XYLB: variants seen among roughly 807,000 people sequenced by gnomAD.
XYLB encodes xylulose kinase.
In XYLB, 62 loss-of-function variants were observed where a neutral mutation model predicts 78.7. The ratio of observed to expected loss-of-function variants is 0.79; its 90% CI spans 0.64 to 0.97. XYLB has a LOEUF of 0.97. XYLB is among the 50% of genes least tolerant of loss of function. The pLI is 0.00. For missense variants in XYLB, 687 were observed against 676.8 expected, an observed-to-expected ratio of 1.02 and a Z score of -0.17; for synonymous variants, 245 against 247.4, an observed-to-expected ratio of 0.99 and a Z score of 0.09.
chr3:38,421,920 G>T (rs1055972174), downstream of XYLB, among the ~76,000 whole-genome samples: 1 of 152,168 alleles, frequency 6.6e-6, no homozygotes, highest in Non-Finnish European at 1.5e-5. Flanking sequence ...TCGAGCAACC[G>T]CTGTCAGTTC....
At chr3:38,422,925 A>G (rs947546463), downstream of XYLB, among the ~76,000 whole-genome samples, 1 of 152,180 alleles carries the variant, frequency 6.6e-6, no homozygotes, top group Non-Finnish European at 1.5e-5. Context: ...TACCTTTAAA[A>G]TGGTTAACAA....
chr3:38,443,456 C>G, the XYLB span, among the ~76,000 whole-genome samples: 2 of 152,164 alleles, frequency 1.3e-5, no homozygotes, highest in Admixed American at 6.6e-5. Flanking sequence ...CCTTGCAAAC[C>G]ACACTGATAA....
At chr3:38,381,688 A>G (rs950043066) in intron 15 of XYLB, among the ~76,000 whole-genome samples, 2 of 152,188 alleles carry the variant, frequency 1.3e-5, no homozygotes, top group African/African-American at 2.4e-5. Context: ...CAGAGATGAA[A>G]TAAACTCCAG....
At chr3:38,368,772 C>T (rs1046838928) in intron 8 of XYLB, among the ~76,000 whole-genome samples, 1 of 152,114 alleles carries the variant, frequency 6.6e-6, no homozygotes, top group African/African-American at 2.4e-5. Context: ...TCTTACTGGT[C>T]ACACACTAGG....
At chr3:38,359,838 A>G (rs1705872205) in intron 2 of XYLB, among the ~76,000 whole-genome samples, 1 of 152,154 alleles carries the variant, frequency 6.6e-6, no homozygotes, top group African/African-American at 2.4e-5. Flanking sequence ...ACATAGTTAA[A>G]AGGGTTGGAT....
At chr3:38,364,339 G>T (rs1481683059) in intron 4 of XYLB, among the ~76,000 whole-genome samples, 1 of 151,594 alleles carries the variant, frequency 6.6e-6, no homozygotes, top group Non-Finnish European at 1.5e-5. Flanking sequence ...GGTCTCTACC[G>T]CAGCCTCCTT....
At chr3:38,378,905 T>C (rs55707921) in intron 14 of XYLB, among the ~76,000 whole-genome samples, 29,790 of 150,664 alleles carry the variant, frequency 0.2, 3,033 homozygotes, top group East Asian at 0.29. Flanking sequence ...CTATTACCTC[T>C]GTTTTGTTAA....
At chr3:38,431,461 G>T in the XYLB span, among the ~76,000 whole-genome samples, 3 of 152,162 alleles carry the variant, frequency 2.0e-5, no homozygotes, top group Admixed American at 1.3e-4. Context: ...CTGAGACGAT[G>T]GGGTTTTCTA....
chr3:38,417,281 G>A (rs1180973834), downstream of XYLB, among the ~76,000 whole-genome samples: 1 of 151,678 alleles, frequency 6.6e-6, no homozygotes, highest in African/African-American at 2.4e-5. Flanking sequence ...ACAAAAATTA[G>A]CCAGGCATGG....
chr3:38,376,569 A>G (rs74346227), intron 13 of XYLB, among the ~76,000 whole-genome samples: 3,990 of 152,258 alleles, frequency 0.026, 174 homozygotes, highest in African/African-American at 0.09. Flanking sequence ...CCCCAGGCAC[A>G]AGGAAAAGTC....
intron 15 of XYLB, among the ~76,000 whole-genome samples, chr3:38,388,253 A>C (rs1345286314): frequency 6.8e-6 from 1 of 146,694 alleles, no homozygotes; most frequent in Non-Finnish European, 1.5e-5. Flanking sequence ...GGTTGCGGAG[A>C]TGTCGGTCAG....
At chr3:38,395,657 C>A in intron 16 of XYLB, 94 bp downstream of exon 16, 1 of 1,337,316 alleles carries the variant, frequency 7.5e-7, no homozygotes, top group Non-Finnish European at 1.1e-6. Flanking sequence ...CCTCCATTCC[C>A]ACTCCTGCAG....
In XYLB at chr3:38,414,522, A is replaced by T. The variant is rs146742939; in HGVS notation, c.*1509A>T. 5.0e-4 allele frequency: 76 copies of T among 152,362 alleles called. 1 individual carries two copies. Among genetic ancestry groups the T allele is most frequent in the Admixed American group, 1.8e-3 (28 of 15,306 alleles). 9.4% of individuals were successfully genotyped at this position (152,362 alleles called of 1,614,324 possible). The stretch of plus-strand genomic sequence containing the variant: ...TTGGACCATGAAACAGTAAACTGTA[A>T]CTAAACACTTCAACATGAATTTGAA... On this transcript the variant is annotated 3_prime_UTR_variant, in exon 19 of 19. Coordinates refer to ENST00000207870, the MANE Select transcript of XYLB (RefSeq NM_005108.4).
At chr3:38,437,719 G>C in the XYLB span, among the ~76,000 whole-genome samples, 392 of 152,220 alleles carry the variant, frequency 2.6e-3, no homozygotes, top group Non-Finnish European at 4.8e-3. Context: ...TTTGGCAGTA[G>C]GATCACTTAA....
intron 10 of XYLB, among the ~76,000 whole-genome samples, chr3:38,373,270 G>C (rs1231306218): frequency 1.3e-5 from 2 of 152,066 alleles, no homozygotes; most frequent in Non-Finnish European, 2.9e-5. Context: ...GATCTCTGAA[G>C]GAAGGCCAGG....
the XYLB span, among the ~76,000 whole-genome samples, chr3:38,444,251 G>A: frequency 6.6e-6 from 1 of 152,174 alleles, no homozygotes; most frequent in Non-Finnish European, 1.5e-5. Context: ...AAGGGGACAT[G>A]TACCTGGATT....
chr3:38,405,142 T>C (rs374078889), intron 18 of XYLB, among the ~76,000 whole-genome samples: 4 of 152,342 alleles, frequency 2.6e-5, no homozygotes, highest in African/African-American at 9.6e-5. Flanking sequence ...CAGCACATTG[T>C]ATATATAATT....
chr3:38,401,844 C>T (rs2125658023), intron 18 of XYLB, among the ~76,000 whole-genome samples: 1 of 152,262 alleles, frequency 6.6e-6, no homozygotes, highest in African/African-American at 2.4e-5. Flanking sequence ...ACCACTGCAC[C>T]TATTTACAGA....
chr3:38,439,877 C>G, the XYLB span, among the ~76,000 whole-genome samples: 1 of 152,172 alleles, frequency 6.6e-6, no homozygotes, highest in Non-Finnish European at 1.5e-5. Context: ...ACAGTCTTCC[C>G]CTAAGAAGGT....
Sources: allele counts gnomAD v4.1 joint callset (sites outside exome capture counted in the v4.1 genomes callset), GRCh38; gene constraint gnomAD v4.1.1; transcripts MANE v1.5; gene names NCBI Gene and HGNC (gene_info 2026-07-23, HGNC 2026-07-21).